Variants in ZNF385D observed in about 807,000 individuals in gnomAD.
The protein encoded by ZNF385D is zinc finger protein 385D.
ZNF385D carries 15 observed loss-of-function variants against 35.8 expected under a neutral mutation model. The ratio of observed to expected loss-of-function variants is 0.42; its 90% CI spans 0.28 to 0.64. ZNF385D has a LOEUF of 0.64. Among genes scored for constraint, ZNF385D ranks in the 30% least tolerant of loss-of-function variants. The pLI is 0.23. For missense variants in ZNF385D, 474 were observed against 494.6 expected, an observed-to-expected ratio of 0.96 and a Z score of 0.39; for synonymous variants, 212 against 186.8, an observed-to-expected ratio of 1.13 and a Z score of -1.10.
chr3:22,005,924 A>G (rs1225956927), intron 3 of ZNF385D, among the ~76,000 whole-genome samples: 1 of 152,108 alleles, frequency 6.6e-6, no homozygotes, highest in African/African-American at 2.4e-5. Context: ...CTTCATCTCT[A>G]AGCACTATTC....
intron 3 of ZNF385D, among the ~76,000 whole-genome samples, chr3:21,930,261 C>CT (rs1233331298): frequency 7.3e-6 from 1 of 137,170 alleles, no homozygotes; most frequent in African/African-American, 2.6e-5. Context: ...AAGTTGAACA[C>CT]TTTTTTTATA....
intron 3 of ZNF385D, among the ~76,000 whole-genome samples, chr3:22,030,989 G>A (rs1697963069): frequency 6.6e-6 from 1 of 152,216 alleles, no homozygotes; most frequent in Non-Finnish European, 1.5e-5. Flanking sequence ...CGGCTGGGCA[G>A]TCATTAAACC....
chr3:21,486,965 G>T (rs1216748727), intron 4 of ZNF385D, among the ~76,000 whole-genome samples: 1 of 151,992 alleles, frequency 6.6e-6, no homozygotes, highest in East Asian at 1.9e-4. Flanking sequence ...TATTCTACTG[G>T]AAGTGGCAGA....
intron 4 of ZNF385D, among the ~76,000 whole-genome samples, chr3:21,486,701 G>T (rs903018674): frequency 3.9e-5 from 6 of 152,070 alleles, no homozygotes; most frequent in African/African-American, 1.4e-4. Flanking sequence ...GTCACATCTA[G>T]TACGACCACA....
chr3:21,663,281 TATTC>T (rs2066292451), intron 2 of ZNF385D, among the ~76,000 whole-genome samples: 1 of 152,194 alleles, frequency 6.6e-6, no homozygotes. Flanking sequence ...TGTTAAATGA[TATTC>T]ATTGTCAGTC....
intron 3 of ZNF385D, among the ~76,000 whole-genome samples, chr3:22,030,523 C>T: frequency 6.6e-6 from 1 of 151,130 alleles, no homozygotes; most frequent in Non-Finnish European, 1.5e-5. Flanking sequence ...AGGAAACTGT[C>T]ATTTTAAAAA....
intron 3 of ZNF385D, among the ~76,000 whole-genome samples, chr3:21,761,869 C>CTTTTT (rs58790934): frequency 2.5e-4 from 19 of 77,186 alleles, no homozygotes; most frequent in East Asian, 4.8e-4. Flanking sequence ...CATTTTCTTC[C>CTTTTT]TTTTTTTTTT....
intron 2 of ZNF385D, among the ~76,000 whole-genome samples, chr3:22,281,400 G>C (rs751745054): frequency 1.3e-5 from 2 of 152,050 alleles, no homozygotes; most frequent in African/African-American, 4.8e-5. Flanking sequence ...ATTACCCTAA[G>C]ATATGTCCCT....
At chr3:21,667,167 G>A (rs62237416) in intron 1 of ZNF385D, among the ~76,000 whole-genome samples, 16,898 of 152,212 alleles carry the variant, frequency 0.11, 1,034 homozygotes, top group East Asian at 0.16. Context: ...TTTTATTTTT[G>A]TTGTTGCTTT....
intron 1 of ZNF385D, among the ~76,000 whole-genome samples, chr3:21,691,915 C>G (rs2067299088): frequency 6.6e-6 from 1 of 152,178 alleles, no homozygotes; most frequent in African/African-American, 2.4e-5. Context: ...CTGGTAACCA[C>G]TATTCTACTT....
Position 22,294,386 on chromosome 3 carries a change from A to G in ZNF385D, c.106+78064T>C, listed in dbSNP as rs114046220. Among the ~76,000 whole-genome samples the G allele has an allele frequency of 1.8e-3, 281 of 152,180 alleles. 3 individuals are homozygous for G. Among genetic ancestry groups the G allele is most frequent in the African/African-American group, 6.4e-3 (267 of 41,530 alleles). On this transcript the variant is annotated intron_variant, in intron 2 of 5. Transcript: ENST00000494108. The stretch of plus-strand genomic sequence containing the variant: ...ATTTTTCAATATCTCCTCTAATAAG[A>G]AAACTGTTCCTATGAATATACTTCT...
chr3:21,753,589 T>C (rs1437883924), upstream of ZNF385D, among the ~76,000 whole-genome samples: 5 of 152,330 alleles, frequency 3.3e-5, no homozygotes, highest in East Asian at 9.6e-4. Flanking sequence ...AAATTAAAGA[T>C]ATGTGCCCCT....
At chr3:21,971,734 A>G (rs1376581140) in intron 3 of ZNF385D, among the ~76,000 whole-genome samples, 1 of 151,892 alleles carries the variant, frequency 6.6e-6, no homozygotes, top group East Asian at 1.9e-4. Flanking sequence ...TTTCACCTAT[A>G]AAGATACATA....
At chr3:22,098,139 T>C (rs1008747580) in intron 3 of ZNF385D, among the ~76,000 whole-genome samples, 9 of 152,066 alleles carry the variant, frequency 5.9e-5, no homozygotes, top group African/African-American at 2.2e-4. Context: ...AATTTTCTCC[T>C]AGCTTTTCAG....
intron 2 of ZNF385D, among the ~76,000 whole-genome samples, chr3:22,331,560 T>G (rs1475937309): frequency 2.6e-5 from 4 of 152,176 alleles, no homozygotes; most frequent in Non-Finnish European, 5.9e-5. Context: ...CTGTTATAAT[T>G]ATAGTACAAA....
chr3:22,113,209 C>T (rs912360996), intron 3 of ZNF385D, among the ~76,000 whole-genome samples: 2 of 152,034 alleles, frequency 1.3e-5, no homozygotes, highest in African/African-American at 4.8e-5. Context: ...TCAAGTGCTG[C>T]TATTTGCTAC....
intron 3 of ZNF385D, among the ~76,000 whole-genome samples, chr3:22,061,532 C>A (rs1699686497): frequency 6.6e-6 from 1 of 152,118 alleles, no homozygotes; most frequent in African/African-American, 2.4e-5. Context: ...CTTCTCAAGC[C>A]TCCCACAATA....
Position 21,510,944 on chromosome 3 carries a change from T to A in ZNF385D, c.356A>T (p.Lys119Ile). Reference protein sequence around the residue: ...KALEAMKNKQKSVTAKDSAKT... With the variant: ...KALEAMKNKQISVTAKDSAKT... Reference sequence around the variant, plus strand: ...TGCGCTGTCCTTGGCAGTTACAGATTTCTGCTTATTTTTCATGGCTTCCAG... The same window carrying A: ...TGCGCTGTCCTTGGCAGTTACAGATATCTGCTTATTTTTCATGGCTTCCAG... Residue 119 changes from lysine to isoleucine, a missense_variant, in exon 4 of 8, where the codon AAA (lysine) becomes ATA (isoleucine). Physicochemically the swap from Lys to Ile is moderately radical, Grantham distance 102 (BLOSUM62 -3). Coordinates refer to ENST00000281523, the MANE Select transcript of ZNF385D (RefSeq NM_024697.3). 1.2e-6 allele frequency: 2 copies of A among 1,614,134 alleles called. No homozygotes were observed. The highest frequency in any genetic ancestry group is 2.2e-5 in the South Asian group (2 of 91,082).
At chr3:22,080,639 T>C (rs1205222045) in intron 3 of ZNF385D, among the ~76,000 whole-genome samples, 1 of 152,060 alleles carries the variant, frequency 6.6e-6, no homozygotes, top group African/African-American at 2.4e-5. Context: ...CCATTTTATA[T>C]ATGAAATACT....
Sources: gnomAD v4.1 joint callset for allele counts (sites outside exome capture counted in the v4.1 genomes callset) on GRCh38, gnomAD v4.1.1 for gene constraint, MANE v1.5 for transcripts, NCBI Gene and HGNC (gene_info 2026-07-23, HGNC 2026-07-21) for gene names.